The following LNPEP variants were observed in gnomAD, a reference collection of about 807,000 sequenced individuals.
The protein encoded by LNPEP is leucyl-cystinyl aminopeptidase.
In LNPEP, 64 loss-of-function variants were observed where a neutral mutation model predicts 120.6. The ratio of observed to expected loss-of-function variants is 0.53; its 90% confidence interval spans 0.43 to 0.65. LNPEP has a LOEUF of 0.65. LNPEP is among the 30% of genes least tolerant of loss of function. LNPEP has a pLI of 0.00. For missense variants in LNPEP, 1,057 were observed against 1,200.0 expected, an observed-to-expected ratio of 0.88 and a Z score of 1.76; for synonymous variants, 435 against 425.4, an observed-to-expected ratio of 1.02 and a Z score of -0.28.
intron 13 of LNPEP, among the ~76,000 whole-genome samples, chr5:97,021,005 A>G (rs1045392327): frequency 5.3e-5 from 8 of 152,180 alleles, no homozygotes; most frequent in African/African-American, 1.9e-4. Context: ...GAGAGAGATG[A>G]AAAAGGCGTC....
chr5:97,019,162 G>A (rs1389376055), intron 13 of LNPEP, among the ~76,000 whole-genome samples: 1 of 152,000 alleles, frequency 6.6e-6, no homozygotes, highest in African/African-American at 2.4e-5. Context: ...TTATATTGTT[G>A]TTATTGCATT....
chr5:97,003,485 A>G lies in LNPEP; in HGVS notation c.1724A>G (p.Tyr575Cys), dbSNP rs767807468. 1 of 1,607,206 alleles carries G rather than the reference A, an allele frequency of 6.2e-7. No individual in the cohort carries two copies. Among genetic ancestry groups the G allele is most frequent in the Non-Finnish European group, 8.5e-7 (1 of 1,175,180 alleles). ...EDVFQHAVVL[Y>C]LHNHSYASIQ... is the part of the protein sequence containing the mutation. ...GTGTTTCAACATGCTGTTGTCCTTT[A>G]CCTGCATAATCACAGCTATGCATCT... Residue 575 changes from tyrosine (Y) to cysteine (C), a missense_variant, in exon 9 of 18, where the codon TAC becomes TGC. By Grantham distance (194) the Tyr-to-Cys change is radical. Coordinates refer to ENST00000231368, the MANE Select transcript of LNPEP (RefSeq NM_005575.3).
At chr5:96,959,706 T>C (rs1789552852) in intron 1 of LNPEP, among the ~76,000 whole-genome samples, 2 of 152,146 alleles carry the variant, frequency 1.3e-5, no homozygotes, top group Admixed American at 1.3e-4. Flanking sequence ...TAAAATTTGA[T>C]TTAGCTAAAT....
chr5:96,988,444 T>C (rs1790294625), intron 4 of LNPEP, among the ~76,000 whole-genome samples: 1 of 149,520 alleles, frequency 6.7e-6, no homozygotes, highest in African/African-American at 2.5e-5. Context: ...GTTCAAGCAA[T>C]TCTCCTGCCT....
intron 4 of LNPEP, among the ~76,000 whole-genome samples, chr5:96,986,978 A>T (rs1021503106): frequency 2.0e-5 from 3 of 152,210 alleles, no homozygotes; most frequent in African/African-American, 7.2e-5. Flanking sequence ...GAATATTTAG[A>T]TTTAAATAAA....
chr5:96,999,923 TA>T (rs1447811803), intron 8 of LNPEP, among the ~76,000 whole-genome samples: 4 of 152,020 alleles, frequency 2.6e-5, no homozygotes, highest in Admixed American at 2.6e-4. Context: ...TTGGTCTTTA[TA>T]ATCATCAAGC....
chr5:96,974,766 T>A (rs1789948448), intron 1 of LNPEP, among the ~76,000 whole-genome samples: 1 of 152,168 alleles, frequency 6.6e-6, no homozygotes, highest in East Asian at 1.9e-4. Flanking sequence ...TAAGGGTCTC[T>A]CTAGGCCTCA....
intron 13 of LNPEP, among the ~76,000 whole-genome samples, chr5:97,018,821 T>C (rs906214593): frequency 6.6e-6 from 1 of 152,194 alleles, no homozygotes; most frequent in African/African-American, 2.4e-5. Context: ...AGGCTGCACA[T>C]GACATATGCT....
intron 4 of LNPEP, among the ~76,000 whole-genome samples, chr5:96,990,026 G>A (rs1790357046): frequency 6.6e-6 from 1 of 152,048 alleles, no homozygotes; most frequent in African/African-American, 2.4e-5. Context: ...TAATCTGGAG[G>A]TATGAGTGAT....
intron 1 of LNPEP, among the ~76,000 whole-genome samples, chr5:96,960,339 G>C (rs1448335996): frequency 6.6e-6 from 1 of 152,144 alleles, no homozygotes; most frequent in East Asian, 1.9e-4. Context: ...AATTAAAATT[G>C]AACTTCAGTT....
At chr5:97,023,845 C>G (rs1384275577) in intron 14 of LNPEP, among the ~76,000 whole-genome samples, 1 of 152,158 alleles carries the variant, frequency 6.6e-6, no homozygotes, top group Non-Finnish European at 1.5e-5. Flanking sequence ...TCCAATTTCT[C>G]TACATCCTTG....
In LNPEP at chr5:96,979,364, G is replaced by A; in HGVS notation, c.246G>A (p.Met82Ile). 6.2e-7 allele frequency: 1 copy of A among 1,614,106 alleles called. No homozygotes were observed. The highest frequency in any genetic ancestry group is 8.5e-7 in the Non-Finnish European group (1 of 1,179,974). ...SSAKLLGMSF[M>I]NRSSGLRNSA... Reference sequence around the variant, plus strand: ...CAAAGCTGCTGGGCATGTCCTTCATGAATAGAAGCTCAGGCCTTCGGAACA... The same window carrying A: ...CAAAGCTGCTGGGCATGTCCTTCATAAATAGAAGCTCAGGCCTTCGGAACA... Residue 82 changes from methionine (M) to isoleucine (I), a missense_variant, in exon 2 of 18, where the codon ATG (methionine) becomes ATA (isoleucine). Transcript: ENST00000231368.
chr5:96,988,336 TTTC>T (rs1323302293), intron 4 of LNPEP, among the ~76,000 whole-genome samples: 24 of 116,102 alleles, frequency 2.1e-4, no homozygotes, highest in Non-Finnish European at 4.1e-4. Context: ...TTCTTTTTCT[TTTC>T]TTTTTTTTTT....
intron 1 of LNPEP, among the ~76,000 whole-genome samples, chr5:96,971,344 T>TG (rs1789857298): frequency 1.5e-5 from 2 of 136,952 alleles, no homozygotes; most frequent in Non-Finnish European, 3.2e-5. Flanking sequence ...GACATTATTA[T>TG]TTGTGTGTGT....
At position 97,029,347 on chromosome 5, in the gene LNPEP, A is replaced by G. The variant is rs1582040464; in HGVS notation, c.*814A>G. On this transcript the variant is annotated 3_prime_UTR_variant, in exon 18 of 18. Coordinates refer to ENST00000231368, the MANE Select transcript of LNPEP (RefSeq NM_005575.3). ...GTCCCCAGATCTGTACACCTTTATC[A>G]CTCCCTGCCGTAGATATACTTTAGG... is the stretch of plus-strand genomic sequence containing the variant. The G allele has an allele frequency of 6.6e-6, 1 of 152,068 alleles. No homozygotes were observed. The highest frequency in any genetic ancestry group is 1.5e-5 in the Non-Finnish European group (1 of 67,980). 9.4% of individuals were successfully genotyped at this position (152,068 alleles called of 1,614,324 possible). A position where few individuals can be genotyped will look rare whatever the true frequency, so the allele number is the denominator to read the frequency against.
At position 96,986,501 on chromosome 5, in the gene LNPEP, C is replaced by T. The variant is rs376345294; in HGVS notation, c.1000-38C>T. 15 of 1,580,928 alleles carry T rather than the reference C, an allele frequency of 9.5e-6. No individual in the cohort carries two copies. In the African/African-American group the frequency reaches 1.5e-4, roughly 16 times the overall value. ...GTTTGTTTGTTATTGCCATTTATTC[C>T]TATAGTTACAGAACTGTCTTTTCCC... On this transcript the variant is annotated intron_variant, in intron 3 of 17. Coordinates refer to ENST00000231368, the MANE Select transcript of LNPEP (RefSeq NM_005575.3).
intron 4 of LNPEP, among the ~76,000 whole-genome samples, chr5:96,989,251 T>C (rs919626593): frequency 6.3e-5 from 9 of 142,636 alleles, no homozygotes; most frequent in African/African-American, 2.3e-4. Context: ...AAGTGTATAA[T>C]ATTTGTGTAT....
At chr5:97,008,336 TG>T (rs1203437965) in intron 11 of LNPEP, among the ~76,000 whole-genome samples, 6 of 113,134 alleles carry the variant, frequency 5.3e-5, no homozygotes, top group African/African-American at 1.7e-4. Context: ...TGTTTTTTCT[TG>T]TTTTTTTTTT....
At chr5:97,022,540 A>G (rs1791229910) in intron 14 of LNPEP, 56 bp downstream of exon 14, 4 of 1,356,936 alleles carry the variant, frequency 2.9e-6, no homozygotes, top group Non-Finnish European at 1.0e-6. Context: ...TTCACATCAT[A>G]TACAGTATCC....
Sources: gnomAD v4.1 joint callset for allele counts (sites outside exome capture counted in the v4.1 genomes callset) on GRCh38, gnomAD v4.1.1 for gene constraint, MANE v1.5 for transcripts, NCBI Gene and HGNC (gene_info 2026-07-23, HGNC 2026-07-21) for gene names.